FAM227B: variants seen among roughly 807,000 people sequenced by gnomAD.
FAM227B encodes the protein family with sequence similarity 227 member B.
FAM227B carries 88 observed loss-of-function variants against 73.8 expected under a neutral mutation model. The ratio of observed to expected loss-of-function variants is 1.19; its 90% CI spans 1.00 to 1.42. The LOEUF is 1.42. Ranked by LOEUF, FAM227B falls within the 40% of genes most tolerant of loss-of-function variation. FAM227B has a pLI of 0.00. For missense variants in FAM227B, 632 were observed against 590.9 expected (o/e 1.07, Z -0.72); for synonymous variants, 210 against 190.5 (o/e 1.10, Z -0.84).
At chr15:49,529,383 T>G (rs2060446217) in intron 10 of FAM227B, among the ~76,000 whole-genome samples, 1 of 151,686 alleles carries the variant, frequency 6.6e-6, no homozygotes, top group South Asian at 2.1e-4. Flanking sequence ...GTTTACTATT[T>G]GGGTGATAGG....
intron 8 of FAM227B, among the ~76,000 whole-genome samples, chr15:49,571,637 T>C (rs764952404): frequency 4.6e-5 from 7 of 152,008 alleles, no homozygotes; most frequent in African/African-American, 1.7e-4. Flanking sequence ...GGCGCCTTTG[T>C]TGAAAACCAA....
chr15:49,483,684 T>C (rs1213335281), intron 11 of FAM227B, among the ~76,000 whole-genome samples: 2 of 152,070 alleles, frequency 1.3e-5, no homozygotes, highest in Non-Finnish European at 2.9e-5. Context: ...ATCATGGGCA[T>C]TGAAATGTAA....
At chr15:49,591,492 T>G (rs1448812183) in intron 3 of FAM227B, among the ~76,000 whole-genome samples, 3 of 128,982 alleles carry the variant, frequency 2.3e-5, no homozygotes, top group African/African-American at 8.6e-5. Context: ...TCCTTTTTTT[T>G]TTTTTTTTTT....
At chr15:49,329,831 G>C in intron 15 of FAM227B, 1 of 690,284 alleles carries the variant, frequency 1.4e-6, no homozygotes, top group South Asian at 6.5e-5. Flanking sequence ...AAAGGCACCT[G>C]TCATTGTTTT....
At chr15:49,545,007 T>A (rs1308721061) in intron 9 of FAM227B, among the ~76,000 whole-genome samples, 1 of 152,184 alleles carries the variant, frequency 6.6e-6, no homozygotes, top group Admixed American at 6.5e-5. Context: ...ATTAGGGTGA[T>A]CCTGGCTTCA....
intron 10 of FAM227B, among the ~76,000 whole-genome samples, chr15:49,522,560 T>C (rs1444817168): frequency 6.6e-6 from 1 of 151,924 alleles, no homozygotes; most frequent in East Asian, 1.9e-4. Flanking sequence ...ATTCAGAATA[T>C]GAAAGATGAA....
chr15:49,459,842 C>G (rs1416180769), intron 11 of FAM227B, among the ~76,000 whole-genome samples: 4 of 152,140 alleles, frequency 2.6e-5, no homozygotes, highest in African/African-American at 9.7e-5. Context: ...TTCCCAATAC[C>G]ATGTTGGTAT....
Position 49,568,415 on chromosome 15 carries a change from G to A in FAM227B, c.646-69C>T, listed in dbSNP as rs1218113698. 6 of 1,252,218 alleles carry A rather than the reference G, an allele frequency of 4.8e-6. No individual in the cohort carries two copies. The African/African-American group carries it at 7.5e-5, about 16-fold the overall frequency. 77.6% of individuals were successfully genotyped at this position (1,252,218 alleles called of 1,614,324 possible). On this transcript the variant is annotated intron_variant, in intron 8 of 15. Transcript: ENST00000299338. Reference sequence around the variant, plus strand: ...ACTGGAATTTGTTTACATGATGACAGCAATTTCATTTATTCTCATGAGCAG... The same window carrying A: ...ACTGGAATTTGTTTACATGATGACAACAATTTCATTTATTCTCATGAGCAG...
At chr15:49,386,757 A>G (rs1481950791) in intron 11 of FAM227B, among the ~76,000 whole-genome samples, 1 of 151,866 alleles carries the variant, frequency 6.6e-6, no homozygotes, top group African/African-American at 2.4e-5. Context: ...ACCATTAGCT[A>G]GATTAACCAA....
chr15:49,448,763 T>TC (rs1169887703), intron 11 of FAM227B, among the ~76,000 whole-genome samples: 1 of 151,624 alleles, frequency 6.6e-6, no homozygotes, highest in Non-Finnish European at 1.5e-5. Context: ...TAAGGAAGGC[T>TC]CCCCCAAATA....
At chr15:49,464,572 T>C (rs11070694) in intron 11 of FAM227B, among the ~76,000 whole-genome samples, 40,298 of 152,070 alleles carry the variant, frequency 0.26, 5,593 homozygotes, top group East Asian at 0.38. Context: ...TTTTAATGTA[T>C]TGAATTTTGT....
At chr15:49,396,789 G>T (rs570950482) in intron 11 of FAM227B, among the ~76,000 whole-genome samples, 1 of 150,062 alleles carries the variant, frequency 6.7e-6, no homozygotes, top group Non-Finnish European at 1.5e-5. Flanking sequence ...TGAGGGTCCT[G>T]TCTGTTAGAA....
At chr15:49,403,616 GT>G (rs1402968354) in intron 11 of FAM227B, among the ~76,000 whole-genome samples, 3 of 151,794 alleles carry the variant, frequency 2.0e-5, no homozygotes, top group Non-Finnish European at 4.4e-5. Context: ...TATCCCCTTT[GT>G]CTTTTGTGAT....
At chr15:49,362,489 A>G (rs2044413467) in intron 13 of FAM227B, among the ~76,000 whole-genome samples, 1 of 150,814 alleles carries the variant, frequency 6.6e-6, no homozygotes, top group African/African-American at 2.4e-5. Flanking sequence ...CAGCATGAAA[A>G]CCGACTAATA....
chr15:49,479,225 TTC>T (rs2055652764), intron 11 of FAM227B, among the ~76,000 whole-genome samples: 1 of 149,674 alleles, frequency 6.7e-6, no homozygotes, highest in Non-Finnish European at 1.5e-5. Flanking sequence ...GTTTTTCATG[TTC>T]TATTGCATGA....
intron 15 of FAM227B, chr15:49,329,838 T>C: frequency 1.2e-6 from 1 of 813,904 alleles, no homozygotes; most frequent in East Asian, 1.2e-4. Context: ...CCTGTCATTG[T>C]TTTGCTGTTC....
At chr15:49,372,434 T>C (rs2045907574) in intron 11 of FAM227B, among the ~76,000 whole-genome samples, 1 of 152,176 alleles carries the variant, frequency 6.6e-6, no homozygotes, top group Non-Finnish European at 1.5e-5. Flanking sequence ...GGAGAGGACA[T>C]AAATTGGGTC....
intron 11 of FAM227B, chr15:49,486,798 C>T (rs1460006752): frequency 1.3e-5 from 2 of 151,744 alleles, no homozygotes; most frequent in Non-Finnish European, 2.9e-5. Flanking sequence ...TGTTTTTCTC[C>T]TATTTTTAAA....
At chr15:49,504,234 C>T in intron 11 of FAM227B, among the ~76,000 whole-genome samples, 1 of 136,704 alleles carries the variant, frequency 7.3e-6, no homozygotes, top group African/African-American at 2.8e-5. Flanking sequence ...AATGAGAACA[C>T]TTGGACACAG....
Sources: allele counts gnomAD v4.1 joint callset (sites outside exome capture counted in the v4.1 genomes callset), GRCh38; gene constraint gnomAD v4.1.1; transcripts MANE v1.5; gene names NCBI Gene and HGNC (gene_info 2026-07-23, HGNC 2026-07-21).